Variants in SNRPC observed in about 807,000 individuals in gnomAD.
SNRPC encodes the protein small nuclear ribonucleoprotein polypeptide C, also known as U1 small nuclear ribonucleoprotein C.
Under a neutral mutation model 20.0 loss-of-function variants are expected in SNRPC, and 5 were observed. The observed-to-expected ratio is 0.25, with a 90% CI of 0.13 to 0.53. The LOEUF is 0.53. SNRPC is among the 20% of genes least tolerant of loss of function. The probability of loss-of-function intolerance (pLI) is 0.96; values close to 1 mark genes in which losing one functional copy is unlikely to be tolerated. For missense variants in SNRPC, 112 were observed against 224.1 expected (o/e 0.50, Z 3.19); for synonymous variants, 61 against 58.7 (o/e 1.04, Z -0.18).
At chr6:34,771,191 T>C (rs1323924835) in intron 5 of SNRPC, among the ~76,000 whole-genome samples, 2 of 151,950 alleles carry the variant, frequency 1.3e-5, no homozygotes, top group Non-Finnish European at 2.9e-5. Flanking sequence ...TAGCCAGGTG[T>C]GGTGGCACGC....
intron 4 of SNRPC, among the ~76,000 whole-genome samples, chr6:34,769,303 C>T (rs996674873): frequency 2.0e-5 from 3 of 147,488 alleles, no homozygotes; most frequent in Non-Finnish European, 4.4e-5. Context: ...GATCTCAGCT[C>T]ACTGCAACCT....
intron 1 of SNRPC, 164 bp from the exon 2 acceptor site, chr6:34,757,748 A>G (rs1209091875): frequency 6.5e-7 from 1 of 1,544,878 alleles, no homozygotes; most frequent in Non-Finnish European, 8.7e-7. Flanking sequence ...GGCAACAAAA[A>G]AAAGCCTGGT....
At chr6:34,766,816 T>G (rs559612568) in intron 3 of SNRPC, among the ~76,000 whole-genome samples, 601 of 152,346 alleles carry the variant, frequency 3.9e-3, no homozygotes, top group Non-Finnish European at 6.8e-3. Flanking sequence ...AGGTCACTTT[T>G]TTTGGATCTG....
chr6:34,773,567 A>T lies in SNRPC; in HGVS notation c.477A>T (p.Arg159Ser). Residue 159 changes from arginine (R) to serine (S), a missense_variant, in exon 6 of 6, where the codon AGA becomes AGT. Around this residue, in one of 3 missense-constraint regions of SNRPC, gnomAD observed 57 missense variants for 121.0 expected, o/e 0.47. Transcript: ENST00000244520. The surrounding 1 kb of genome is among the most constrained non-coding windows in gnomAD (Gnocchi z 4.1). ...PTRPGMTRPD[R>S] ...GGCCCGGAATGACTCGACCAGACAG[A>T]TAAGGATAGAGGGGAGGCCTTATTG... The T allele has an allele frequency of 6.2e-7, 1 of 1,613,678 alleles. No individual in the cohort carries two copies. Among genetic ancestry groups the T allele is most frequent in the Non-Finnish European group, 8.5e-7 (1 of 1,179,890 alleles).
At chr6:34,761,404 C>T (rs1301745464) in intron 2 of SNRPC, among the ~76,000 whole-genome samples, 1 of 151,750 alleles carries the variant, frequency 6.6e-6, no homozygotes, top group Non-Finnish European at 1.5e-5. Context: ...TCCCAAAGTG[C>T]TGGGATTATA....
intron 5 of SNRPC, 71 bp downstream of exon 5, chr6:34,770,466 G>A (rs985530304): frequency 2.0e-6 from 2 of 986,028 alleles, no homozygotes; most frequent in Admixed American, 1.9e-5. Flanking sequence ...GACACTTAAT[G>A]GAAGGAAGTC....
Position 34,762,657 on chromosome 6 carries a change from T to C in SNRPC, c.114T>C (p.Tyr38=), listed in dbSNP as rs148018131. 2 of 1,604,772 alleles carry C rather than the reference T, an allele frequency of 1.2e-6. No homozygotes were observed. The highest frequency in any genetic ancestry group is 1.7e-6 in the Non-Finnish European group (2 of 1,171,396). ...RKHKENVKDY[Y]QKWMEEQAQS... ...ACAAAGAGAATGTGAAAGACTATTA[T>C]CAGAAATGGATGGAAGAGCAGGCTC... is the stretch of plus-strand genomic sequence containing the variant. The change falls in exon 3 of 6, where the codon TAT becomes TAC. Residue 38 remains tyrosine, a synonymous_variant. Coordinates refer to ENST00000244520, the MANE Select transcript of SNRPC (RefSeq NM_003093.3).
Position 34,773,585 on chromosome 6 carries a change from C to T in SNRPC, c.*15C>T. The T allele has an allele frequency of 6.2e-7, 1 of 1,611,616 alleles. No individual in the cohort carries two copies. Among genetic ancestry groups the T allele is most frequent in the Non-Finnish European group, 8.5e-7 (1 of 1,178,772 alleles). On this transcript the variant is annotated 3_prime_UTR_variant, in exon 6 of 6. Transcript: ENST00000244520. This position sits in a 1 kb window ranked among gnomAD's most constrained non-coding sequence, Gnocchi z 4.1. ...CAGACAGATAAGGATAGAGGGGAGG[C>T]CTTATTGTATCGGTTTTATATTACC...
chr6:34,769,339 A>G (rs373724305), intron 4 of SNRPC, among the ~76,000 whole-genome samples: 87 of 150,860 alleles, frequency 5.8e-4, no homozygotes, highest in African/African-American at 2.1e-3. Flanking sequence ...CCTGGATTCA[A>G]GTGATTCTCC....
At chr6:34,758,250 C>A (rs995588034) in intron 2 of SNRPC, among the ~76,000 whole-genome samples, 1 of 151,806 alleles carries the variant, frequency 6.6e-6, no homozygotes, top group African/African-American at 2.4e-5. Flanking sequence ...GCACTCCAGC[C>A]TGGACAACAA....
intron 3 of SNRPC, among the ~76,000 whole-genome samples, chr6:34,763,705 ATTTTTTATT>A (rs1412742506): frequency 6.7e-6 from 1 of 149,398 alleles, no homozygotes; most frequent in East Asian, 2.0e-4. Flanking sequence ...AAAAATTTGT[ATTTTTTATT>A]TATTTTTATT....
chr6:34,765,417 A>C (rs1425683797), intron 3 of SNRPC, among the ~76,000 whole-genome samples: 1 of 150,830 alleles, frequency 6.6e-6, no homozygotes. Context: ...TTTATCTTAT[A>C]TATTTATTTA....
At chr6:34,759,567 G>C (rs1764506063) in intron 2 of SNRPC, among the ~76,000 whole-genome samples, 1 of 152,192 alleles carries the variant, frequency 6.6e-6, no homozygotes, top group Admixed American at 6.5e-5. Context: ...TAATTTTGTT[G>C]CTTCATTAAG....
chr6:34,767,415 G>C (rs1764627469), intron 3 of SNRPC, among the ~76,000 whole-genome samples: 1 of 152,220 alleles, frequency 6.6e-6, no homozygotes, highest in African/African-American at 2.4e-5. Context: ...GGACTCAGGA[G>C]TTTGAGACCA....
chr6:34,760,374 A>G (rs1561789206), intron 2 of SNRPC, among the ~76,000 whole-genome samples: 1 of 151,996 alleles, frequency 6.6e-6, no homozygotes, highest in Non-Finnish European at 1.5e-5. Flanking sequence ...GTGTCCGGCC[A>G]AGTTCTGTGT....
At position 34,767,852 on chromosome 6, in the gene SNRPC, T is replaced by C. The variant is rs116555355; in HGVS notation, c.161-56T>C. On this transcript the variant is annotated intron_variant, in intron 3 of 5. Coordinates refer to ENST00000244520, the MANE Select transcript of SNRPC (RefSeq NM_003093.3). ...TAAAGAAAGTGGTTATTTTAGTTACTGGATTGTTGAATTCTTATTCATCTT... is the reference window on the plus strand; with the variant it reads ...TAAAGAAAGTGGTTATTTTAGTTACCGGATTGTTGAATTCTTATTCATCTT... The C allele has an allele frequency of 2.1e-3, 3,139 of 1,514,746 alleles. 21 individuals carry two copies. Among genetic ancestry groups the C allele is most frequent in the African/African-American group, 0.012 (824 of 70,354 alleles). The allele number at this position is 1,514,746 out of a possible 1,614,324, so 93.8% of individuals were successfully genotyped here.
chr6:34,764,332 T>C (rs1345387447), intron 3 of SNRPC, among the ~76,000 whole-genome samples: 4 of 151,522 alleles, frequency 2.6e-5, no homozygotes, highest in African/African-American at 4.8e-5. Flanking sequence ...CAAAATTAGC[T>C]GGGCGTGGTG....
At chr6:34,770,240 A>G (rs1183580816) in intron 4 of SNRPC, 51 bp from the exon 5 acceptor site, 8 of 1,288,430 alleles carry the variant, frequency 6.2e-6, no homozygotes, top group Middle Eastern at 2.3e-4. Context: ...AAGAAGAGAA[A>G]ATGTTAATAT....
At chr6:34,761,368 C>T (rs933583503) in intron 2 of SNRPC, among the ~76,000 whole-genome samples, 1 of 151,992 alleles carries the variant, frequency 6.6e-6, no homozygotes, top group Admixed American at 6.6e-5. Flanking sequence ...GAACTCCTGA[C>T]ATCAGGTGAT....
Sources: gnomAD v4.1 joint callset for allele counts (sites outside exome capture counted in the v4.1 genomes callset) on GRCh38, gnomAD v4.1.1 for gene constraint, gnomAD v4.1.1 regional missense constraint, Gnocchi (gnomAD v3.1) non-coding constraint, MANE v1.5 for transcripts, NCBI Gene and HGNC (gene_info 2026-07-23, HGNC 2026-07-21) for gene names.